The following GALNT13 variants were observed in gnomAD, a reference collection of about 807,000 sequenced individuals.
The protein encoded by GALNT13 is UDP-GalNAc:polypeptide N-acetylgalactosaminyltransferase 13.
In GALNT13, 28 loss-of-function variants were observed where a neutral mutation model predicts 64.2. The ratio of observed to expected loss-of-function variants is 0.44; its 90% CI spans 0.32 to 0.60. The LOEUF (loss-of-function observed/expected upper bound fraction) is 0.60, where lower values mean the gene tolerates loss of function less well. Ranked by LOEUF, GALNT13 falls within the 20% of genes least tolerant of loss-of-function variation. The pLI is 0.05. For synonymous variants in GALNT13, 214 were observed against 224.6 expected, an observed-to-expected ratio of 0.95 and a Z score of 0.42; for missense variants, 577 against 669.8, an observed-to-expected ratio of 0.86 and a Z score of 1.53.
At chr2:153,825,607 G>GGTGTGTGTGTGTGTGT in the GALNT13 span, among the ~76,000 whole-genome samples, 5 of 114,896 alleles carry the variant, frequency 4.4e-5, no homozygotes, top group African/African-American at 1.7e-4. Flanking sequence ...TTCCATGAGT[G>GGTGTGTGTGTGTGTGT]CTGTGTGTGT....
At chr2:154,113,795 C>A (rs951925584) in intron 3 of GALNT13, among the ~76,000 whole-genome samples, 2 of 152,218 alleles carry the variant, frequency 1.3e-5, no homozygotes, top group African/African-American at 4.8e-5. Context: ...AGTTGATATA[C>A]CCCTGAGGTA....
chr2:153,704,920 C>T, the GALNT13 span, among the ~76,000 whole-genome samples: 1 of 152,126 alleles, frequency 6.6e-6, no homozygotes, highest in South Asian at 2.1e-4. Flanking sequence ...ATGCACTCCT[C>T]AGTCGTGTGA....
intron 8 of GALNT13, among the ~76,000 whole-genome samples, chr2:154,298,441 T>TATATATAATTTATATATACATATATAAA (rs1693065508): frequency 1.5e-5 from 2 of 135,528 alleles, no homozygotes; most frequent in Non-Finnish European, 3.1e-5. Flanking sequence ...ATATATAAAT[T>TATATATAATTTATATATACATATATAAA]ATATATAATT....
intron 2 of GALNT13, among the ~76,000 whole-genome samples, chr2:153,912,060 CTT>C (rs1441806942): frequency 6.6e-6 from 1 of 152,046 alleles, no homozygotes. Context: ...GATTTGGTCT[CTT>C]TATATAATCC....
At chr2:154,304,084 G>C (rs1443547751) in intron 9 of GALNT13, among the ~76,000 whole-genome samples, 2 of 152,150 alleles carry the variant, frequency 1.3e-5, no homozygotes, top group African/African-American at 4.8e-5. Flanking sequence ...ACCTAGAAGA[G>C]AAGGAGCAGA....
At chr2:153,276,708 C>T in the GALNT13 span, among the ~76,000 whole-genome samples, 2 of 151,938 alleles carry the variant, frequency 1.3e-5, no homozygotes, top group Admixed American at 1.3e-4. Flanking sequence ...TGAATATCCC[C>T]CTCTTATATT....
chr2:154,369,074 G>A (rs758171318), intron 9 of GALNT13, among the ~76,000 whole-genome samples: 1 of 151,796 alleles, frequency 6.6e-6, no homozygotes, highest in African/African-American at 2.4e-5. Context: ...TGTAGGTTCC[G>A]TGTCTTGAAT....
At chr2:153,787,453 T>C in the GALNT13 span, among the ~76,000 whole-genome samples, 1 of 152,180 alleles carries the variant, frequency 6.6e-6, no homozygotes, top group South Asian at 2.1e-4. Flanking sequence ...CTGTACTCAA[T>C]GTATATGACA....
intron 4 of GALNT13, among the ~76,000 whole-genome samples, chr2:154,144,375 T>C (rs1683445029): frequency 6.6e-6 from 1 of 152,202 alleles, no homozygotes; most frequent in African/African-American, 2.4e-5. Flanking sequence ...AATTTGATTA[T>C]ATGCCAGTTA....
chr2:154,281,673 G>C (rs1691969031), intron 8 of GALNT13, among the ~76,000 whole-genome samples: 1 of 152,052 alleles, frequency 6.6e-6, no homozygotes. Context: ...CTCCATCTGT[G>C]ATCAATACCA....
At chr2:153,280,825 G>A in the GALNT13 span, among the ~76,000 whole-genome samples, 1 of 152,170 alleles carries the variant, frequency 6.6e-6, no homozygotes, top group African/African-American at 2.4e-5. Context: ...CAGATGAGAA[G>A]AATTTATATT....
At chr2:153,857,949 G>GTGAAATATA in the GALNT13 span, among the ~76,000 whole-genome samples, 1 of 152,110 alleles carries the variant, frequency 6.6e-6, no homozygotes, top group Admixed American at 6.5e-5. Context: ...GTAGTAAGAA[G>GTGAAATATA]TGAAATACAT....
At chr2:153,955,341 T>C (rs1056349521) in intron 3 of GALNT13, among the ~76,000 whole-genome samples, 1 of 152,010 alleles carries the variant, frequency 6.6e-6, no homozygotes, top group African/African-American at 2.4e-5. Context: ...CCAAATAAAC[T>C]TGAATAAGAG....
intron 9 of GALNT13, among the ~76,000 whole-genome samples, chr2:154,338,210 G>A (rs1319379809): frequency 6.6e-6 from 1 of 152,118 alleles, no homozygotes; most frequent in African/African-American, 2.4e-5. Flanking sequence ...CTTTTTAAAA[G>A]TAGAAGCTGA....
the GALNT13 span, among the ~76,000 whole-genome samples, chr2:153,178,880 G>T: frequency 6.6e-6 from 1 of 150,784 alleles, no homozygotes; most frequent in South Asian, 2.1e-4. Flanking sequence ...GACCAGAGGC[G>T]TGCACAACCA....
chr2:153,515,289 C>T, the GALNT13 span, among the ~76,000 whole-genome samples: 1 of 152,214 alleles, frequency 6.6e-6, no homozygotes. Flanking sequence ...CCCCACCTCT[C>T]TGCCGTAGCT....
the GALNT13 span, among the ~76,000 whole-genome samples, chr2:153,339,222 T>C: frequency 6.6e-6 from 1 of 152,252 alleles, no homozygotes; most frequent in South Asian, 2.1e-4. Flanking sequence ...GCTGTGCTAA[T>C]TTACATTCCC....
the GALNT13 span, among the ~76,000 whole-genome samples, chr2:153,531,490 G>A: frequency 6.6e-6 from 1 of 152,136 alleles, no homozygotes; most frequent in Non-Finnish European, 1.5e-5. Flanking sequence ...CTCCAGCACT[G>A]AGGATTACAT....
chr2:153,553,064 T>TTCAACATGTTTTCTAGAAC, the GALNT13 span, among the ~76,000 whole-genome samples: 1 of 152,130 alleles, frequency 6.6e-6, no homozygotes, highest in African/African-American at 2.4e-5. Flanking sequence ...ATAGAGAAAC[T>TTCAACATGTTTTCTAGAAC]ATGGTTGAAT....
Sources: allele counts gnomAD v4.1 joint callset (sites outside exome capture counted in the v4.1 genomes callset), GRCh38; gene constraint gnomAD v4.1.1; transcripts MANE v1.5; gene names NCBI Gene and HGNC (gene_info 2026-07-23, HGNC 2026-07-21).